DSCAM: variants seen among roughly 807,000 people sequenced by gnomAD.
The protein encoded by DSCAM is DS cell adhesion molecule, also known as cell adhesion molecule DSCAM.
Under a neutral mutation model 217.7 loss-of-function variants are expected in DSCAM, and 47 were observed. The observed-to-expected ratio is 0.22, with a 90% CI of 0.17 to 0.28. The LOEUF is 0.28. DSCAM is among the 10% of genes least tolerant of loss of function. The pLI, the probability that DSCAM is intolerant of heterozygous loss-of-function variation, is 1.00. For synonymous variants in DSCAM, 1,056 were observed against 1,015.3 expected, an observed-to-expected ratio of 1.04 and a Z score of -0.76; for missense variants, 2,080 against 2,618.3, an observed-to-expected ratio of 0.79 and a Z score of 4.49.
At chr21:40,394,916 A>G (rs1314925288) in intron 3 of DSCAM, among the ~76,000 whole-genome samples, 1 of 152,246 alleles carries the variant, frequency 6.6e-6, no homozygotes, top group East Asian at 1.9e-4. Context: ...CTTTAATCCC[A>G]GGATCTTTAC....
chr21:40,210,300 A>C (rs964729510), intron 11 of DSCAM, among the ~76,000 whole-genome samples: 1 of 152,184 alleles, frequency 6.6e-6, no homozygotes, highest in Non-Finnish European at 1.5e-5. Flanking sequence ...AAACTCCCAC[A>C]ACTTTTTAAT....
chr21:40,461,652 G>A (rs760684230), intron 3 of DSCAM, among the ~76,000 whole-genome samples: 1 of 152,194 alleles, frequency 6.6e-6, no homozygotes. Flanking sequence ...CATGGCAAAG[G>A]GGAGTTAAGG....
intron 4 of DSCAM, among the ~76,000 whole-genome samples, chr21:40,358,131 T>G (rs2123664364): frequency 6.6e-6 from 1 of 152,220 alleles, no homozygotes; most frequent in African/African-American, 2.4e-5. Context: ...TCCCACAATC[T>G]CTGAAAATGA....
chr21:40,271,160 T>A (rs572952370), intron 11 of DSCAM, among the ~76,000 whole-genome samples: 1 of 152,284 alleles, frequency 6.6e-6, no homozygotes, highest in African/African-American at 2.4e-5. Flanking sequence ...AGAAATCTGA[T>A]GGGCACAGCG....
intron 3 of DSCAM, among the ~76,000 whole-genome samples, chr21:40,451,067 G>A (rs111622201): frequency 1.3e-5 from 2 of 152,176 alleles, no homozygotes; most frequent in Non-Finnish European, 2.9e-5. Flanking sequence ...CGTCAGTGGA[G>A]TTGGGGGCAG....
intron 15 of DSCAM, 23 bp downstream of exon 15, chr21:40,178,904 A>G: frequency 6.2e-7 from 1 of 1,612,324 alleles, no homozygotes; most frequent in Non-Finnish European, 8.5e-7. Context: ...CTCTGGAGCA[A>G]GGTTCCGCCC....
At chr21:40,661,297 C>G (rs750683337) in intron 3 of DSCAM, among the ~76,000 whole-genome samples, 3 of 152,074 alleles carry the variant, frequency 2.0e-5, no homozygotes, top group Non-Finnish European at 4.4e-5. Flanking sequence ...ATCTAACACT[C>G]GTATTCATAA....
Position 40,504,701 on chromosome 21 carries a change from T to C in DSCAM, c.509-135456A>G, listed in dbSNP as rs577799158. On this transcript the variant is annotated intron_variant, in intron 3 of 32. Coordinates refer to ENST00000400454, the MANE Select transcript of DSCAM (RefSeq NM_001389.5). ...GGCCGCTATCCATCCTGTGTTCCAA[T>C]GGAACCTGGACTCCCCCTTGAATGG... 1.2e-4 allele frequency among the ~76,000 whole-genome samples: 19 copies of C among 152,296 alleles called. No individual in the cohort carries two copies. In the South Asian group the frequency reaches 3.9e-3, roughly 32 times the overall value.
intron 3 of DSCAM, among the ~76,000 whole-genome samples, chr21:40,466,361 T>C (rs1648234297): frequency 6.6e-6 from 1 of 152,088 alleles, no homozygotes; most frequent in South Asian, 2.1e-4. Context: ...TACCTGATGG[T>C]TGATTGTTGA....
At chr21:40,279,916 AACACATGG>A (rs2073737043) in intron 10 of DSCAM, among the ~76,000 whole-genome samples, 1 of 152,110 alleles carries the variant, frequency 6.6e-6, no homozygotes, top group Non-Finnish European at 1.5e-5. Flanking sequence ...GAACAATGAG[AACACATGG>A]ACACAGGGAA....
chr21:40,393,863 A>C (rs989747497), intron 3 of DSCAM, among the ~76,000 whole-genome samples: 1 of 152,204 alleles, frequency 6.6e-6, no homozygotes, highest in Non-Finnish European at 1.5e-5. Context: ...GCTTTAATAC[A>C]TCATTTTAAT....
chr21:40,080,409 C>T, intron 24 of DSCAM, 69 bp from the exon 25 acceptor site: 4 of 1,317,078 alleles, frequency 3.0e-6, no homozygotes, highest in Non-Finnish European at 4.1e-6. Flanking sequence ...CTGATGCTTG[C>T]ATTTTGTGTG....
At chr21:40,845,239 T>C (rs942418308) in intron 1 of DSCAM, among the ~76,000 whole-genome samples, 3 of 152,258 alleles carry the variant, frequency 2.0e-5, no homozygotes, top group Non-Finnish European at 4.4e-5. Context: ...CTTTAGGTTA[T>C]ACTGGAGAGC....
chr21:40,128,187 G>A (rs778803968), intron 19 of DSCAM, among the ~76,000 whole-genome samples: 13 of 149,560 alleles, frequency 8.7e-5, no homozygotes, highest in Non-Finnish European at 1.6e-4. Context: ...TGCCCATCCT[G>A]TTTCTCTGCA....
chr21:40,284,060 G>A (rs2073796592), intron 10 of DSCAM, among the ~76,000 whole-genome samples: 1 of 152,174 alleles, frequency 6.6e-6, no homozygotes, highest in Non-Finnish European at 1.5e-5. Flanking sequence ...CTTTAGGAAG[G>A]GGGGTTTCCT....
chr21:40,721,117 C>T (rs1477731431), intron 1 of DSCAM, among the ~76,000 whole-genome samples: 2 of 152,130 alleles, frequency 1.3e-5, no homozygotes, highest in Non-Finnish European at 2.9e-5. Flanking sequence ...CACACAGCTG[C>T]AGGGGACAAA....
chr21:40,166,057 C>T (rs1302833930), intron 16 of DSCAM, among the ~76,000 whole-genome samples: 1 of 152,132 alleles, frequency 6.6e-6, no homozygotes, highest in African/African-American at 2.4e-5. Flanking sequence ...CAAAGGGGCT[C>T]GCTGCATTAA....
At chr21:40,672,862 T>C (rs1179554167) in intron 3 of DSCAM, among the ~76,000 whole-genome samples, 3 of 152,116 alleles carry the variant, frequency 2.0e-5, no homozygotes, top group Non-Finnish European at 4.4e-5. Flanking sequence ...ATCTGTCCTT[T>C]TTTTCTCTGT....
At chr21:40,818,254 A>G (rs1248033488) in intron 1 of DSCAM, among the ~76,000 whole-genome samples, 1 of 151,670 alleles carries the variant, frequency 6.6e-6, no homozygotes, top group Non-Finnish European at 1.5e-5. Flanking sequence ...TTTTAAAAAA[A>G]AGACAAAGTC....
Sources: gnomAD v4.1 joint callset for allele counts (sites outside exome capture counted in the v4.1 genomes callset) on GRCh38, gnomAD v4.1.1 for gene constraint, MANE v1.5 for transcripts, NCBI Gene and HGNC (gene_info 2026-07-23, HGNC 2026-07-21) for gene names.